The following AKAP19 variants were observed in gnomAD, a reference collection of about 807,000 sequenced individuals.
The protein encoded by AKAP19 is A-kinase anchoring protein 19, also known as small A-kinase anchoring protein.
the AKAP19 span, among the ~76,000 whole-genome samples, chr2:189,926,719 T>C: frequency 1.3e-5 from 2 of 150,362 alleles, no homozygotes; most frequent in East Asian, 2.0e-4. Context: ...TAGCTGGGGC[T>C]ACAGGCGCCC....
the AKAP19 span, among the ~76,000 whole-genome samples, chr2:189,948,252 T>C: frequency 6.6e-6 from 1 of 152,168 alleles, no homozygotes; most frequent in Non-Finnish European, 1.5e-5. Context: ...AAAAAATTAA[T>C]TCACAAATAT....
chr2:190,098,543 G>A, the AKAP19 span, among the ~76,000 whole-genome samples: 118 of 152,218 alleles, frequency 7.8e-4, 1 homozygote, highest in African/African-American at 2.7e-3. Flanking sequence ...TCTAGAGCAC[G>A]AGCAGAGTAG....
the AKAP19 span, among the ~76,000 whole-genome samples, chr2:190,135,187 C>T: frequency 1.3e-5 from 2 of 152,238 alleles, no homozygotes; most frequent in East Asian, 3.9e-4. Flanking sequence ...CCAGTAACTT[C>T]TCAGTCACAT....
chr2:189,911,865 CTATT>C, the AKAP19 span, among the ~76,000 whole-genome samples: 1 of 151,686 alleles, frequency 6.6e-6, no homozygotes, highest in African/African-American at 2.4e-5. Context: ...TTAAAAAGCT[CTATT>C]TGTTTTTTTC....
the AKAP19 span, among the ~76,000 whole-genome samples, chr2:190,099,397 A>G: frequency 1.3e-5 from 2 of 152,184 alleles, no homozygotes; most frequent in Non-Finnish European, 2.9e-5. Flanking sequence ...GAGACAGGGT[A>G]ATGACCAGTT....
chr2:190,082,734 G>A, the AKAP19 span, among the ~76,000 whole-genome samples: 1 of 152,128 alleles, frequency 6.6e-6, no homozygotes, highest in African/African-American at 2.4e-5. Flanking sequence ...AGGAAGCTAA[G>A]GCACAGAACG....
At chr2:190,161,523 A>G in the AKAP19 span, among the ~76,000 whole-genome samples, 523 of 152,282 alleles carry the variant, frequency 3.4e-3, 1 homozygote, top group African/African-American at 0.012. Flanking sequence ...TTGTCATGTC[A>G]TCTTATAGAG....
the AKAP19 span, among the ~76,000 whole-genome samples, chr2:189,920,362 C>T: frequency 8.5e-5 from 13 of 152,232 alleles, 1 homozygote; most frequent in East Asian, 1.9e-3. Flanking sequence ...ATCACATTTA[C>T]GTTCCCACCA....
the AKAP19 span, among the ~76,000 whole-genome samples, chr2:190,012,501 CA>C: frequency 6.6e-6 from 1 of 151,934 alleles, no homozygotes; most frequent in Non-Finnish European, 1.5e-5. Flanking sequence ...TTTATTAGTT[CA>C]AACAGTTTTT....
the AKAP19 span, among the ~76,000 whole-genome samples, chr2:190,043,281 A>G: frequency 2.0e-5 from 3 of 152,180 alleles, no homozygotes; most frequent in Non-Finnish European, 2.9e-5. Flanking sequence ...ATATCCTGAA[A>G]TATGTTTTCC....
the AKAP19 span, among the ~76,000 whole-genome samples, chr2:190,142,846 C>T: frequency 6.6e-6 from 1 of 152,118 alleles, no homozygotes. Context: ...GGGAAAAGTA[C>T]ACCCTCAATA....
the AKAP19 span, among the ~76,000 whole-genome samples, chr2:189,910,902 TAAGCA>T: frequency 2.0e-5 from 3 of 152,086 alleles, no homozygotes; most frequent in Non-Finnish European, 4.4e-5. Flanking sequence ...ATTTTCTTTT[TAAGCA>T]CTGTTCACAT....
the AKAP19 span, chr2:190,062,501 A>G: frequency 2.5e-6 from 4 of 1,613,360 alleles, no homozygotes; most frequent in South Asian, 3.3e-5. Flanking sequence ...CTTTTTCCAC[A>G]TTTTCTTTTT....
the AKAP19 span, among the ~76,000 whole-genome samples, chr2:190,012,363 AT>A: frequency 6.6e-6 from 1 of 151,696 alleles, no homozygotes; most frequent in African/African-American, 2.4e-5. Context: ...ATTTCTAAGT[AT>A]TTTTTTCTTT....
the AKAP19 span, among the ~76,000 whole-genome samples, chr2:189,926,581 C>T: frequency 1.5e-3 from 191 of 130,310 alleles, no homozygotes; most frequent in African/African-American, 5.3e-3. Context: ...CCACCGCGCC[C>T]GGCCTTTTTT....
chr2:189,938,006 C>G, the AKAP19 span, among the ~76,000 whole-genome samples: 11 of 152,128 alleles, frequency 7.2e-5, no homozygotes, highest in Non-Finnish European at 1.6e-4. Flanking sequence ...TTAGAAGGAA[C>G]CTAAGTGTTT....
At chr2:189,924,121 G>T in the AKAP19 span, 1 of 1,611,096 alleles carries the variant, frequency 6.2e-7, no homozygotes. Flanking sequence ...ATGAAGATGG[G>T]GGGATGACCA....
the AKAP19 span, among the ~76,000 whole-genome samples, chr2:189,983,123 G>A: frequency 6.6e-6 from 1 of 152,130 alleles, no homozygotes; most frequent in African/African-American, 2.4e-5. Context: ...GGGTGAGGGT[G>A]CACAGTTCCT....
At chr2:189,982,147 A>G in the AKAP19 span, among the ~76,000 whole-genome samples, 1 of 151,996 alleles carries the variant, frequency 6.6e-6, no homozygotes. Flanking sequence ...ATGCTATTAC[A>G]TTATAGGTTT....
Sources: gnomAD v4.1 joint callset for allele counts (sites outside exome capture counted in the v4.1 genomes callset) on GRCh38, gnomAD v4.1.1 for gene constraint, MANE v1.5 for transcripts, NCBI Gene and HGNC (gene_info 2026-07-23, HGNC 2026-07-21) for gene names.